NRXN1: variants seen among roughly 807,000 people sequenced by gnomAD.
NRXN1 encodes neurexin-1.
A neutral mutation model predicts 150.9 loss-of-function variants in NRXN1; 39 were observed. The observed-to-expected ratio is 0.26, with a 90% confidence interval of 0.20 to 0.34. NRXN1 has a LOEUF of 0.34. Among genes scored for constraint, NRXN1 ranks in the 10% least tolerant of loss-of-function variants. The probability of loss-of-function intolerance (pLI) is 1.00; values close to 1 mark genes in which losing one functional copy is unlikely to be tolerated. For missense variants in NRXN1, 1,815 were observed against 1,949.9 expected (o/e 0.93, Z 1.30); for synonymous variants, 924 against 757.0 (o/e 1.22, Z -3.62).
In NRXN1 at chr2:49,997,219, T is replaced by G. The variant is rs1488757303; in HGVS notation, c.4129-53428A>C. 2.6e-5 allele frequency among the ~76,000 whole-genome samples: 4 copies of G among 152,136 alleles called. No homozygotes were observed. In the East Asian group the frequency reaches 7.7e-4, roughly 29 times the overall value. On this transcript the variant is annotated intron_variant, in intron 21 of 22. Transcript: ENST00000401669. ...CTTGAAGATAAGAGCGCATATCTCT[T>G]GGAAGCAATTACAAAAATTTATTAT...
intron 18 of NRXN1, among the ~76,000 whole-genome samples, chr2:50,233,479 G>A (rs1211973205): frequency 1.3e-5 from 2 of 152,040 alleles, no homozygotes; most frequent in South Asian, 4.2e-4. Flanking sequence ...AAAATTATAT[G>A]CCAATCAGAT....
intron 5 of NRXN1, among the ~76,000 whole-genome samples, chr2:50,834,164 A>C (rs1671782119): frequency 6.6e-6 from 1 of 152,184 alleles, no homozygotes; most frequent in Admixed American, 6.5e-5. Context: ...TAAAAAACTG[A>C]GAAGTAGTCA....
chr2:50,678,687 C>G (rs908657193), intron 5 of NRXN1, among the ~76,000 whole-genome samples: 10 of 152,106 alleles, frequency 6.6e-5, no homozygotes, highest in African/African-American at 2.4e-4. Context: ...ATATTTTTGA[C>G]TGTTCGTTGC....
At chr2:50,506,454 A>C in intron 13 of NRXN1, 41 bp downstream of exon 13, 10 of 1,565,004 alleles carry the variant, frequency 6.4e-6, no homozygotes, top group Non-Finnish European at 8.7e-6. Flanking sequence ...GAGAGTCAAA[A>C]GCGTTAGCAT....
chr2:50,013,456 A>T (rs1194376281), intron 21 of NRXN1, among the ~76,000 whole-genome samples: 2 of 152,046 alleles, frequency 1.3e-5, no homozygotes, highest in Non-Finnish European at 2.9e-5. Context: ...GAGTAAAAGA[A>T]TTGTGTTTTA....
chr2:50,059,332 T>C (rs1039452424), intron 19 of NRXN1, among the ~76,000 whole-genome samples: 5 of 152,208 alleles, frequency 3.3e-5, no homozygotes, highest in African/African-American at 7.2e-5. Context: ...GAAAGAAACT[T>C]CTAAGCAGCA....
intron 18 of NRXN1, among the ~76,000 whole-genome samples, chr2:50,217,832 T>A (rs971927329): frequency 6.6e-6 from 1 of 152,136 alleles, no homozygotes; most frequent in African/African-American, 2.4e-5. Context: ...TCTCTTTTCA[T>A]CTAACTTATT....
chr2:50,521,607 A>G (rs1476747653), intron 12 of NRXN1, among the ~76,000 whole-genome samples: 1 of 152,216 alleles, frequency 6.6e-6, no homozygotes, highest in East Asian at 1.9e-4. Flanking sequence ...GACCGTCCCC[A>G]TGATTTAAAG....
In NRXN1 at chr2:50,280,891, A is replaced by G. The variant is rs116381248; in HGVS notation, c.3365-43921T>C. Among the ~76,000 whole-genome samples, 1,384 of 152,218 alleles carry G rather than the reference A, an allele frequency of 9.1e-3. 22 individuals are homozygous for G. Among genetic ancestry groups the G allele is most frequent in the African/African-American group, 0.032 (1,317 of 41,534 alleles). The stretch of plus-strand genomic sequence containing the variant: ...TTTTGTTTGTTTGTTTCTGTTTTAA[A>G]GTACTGGAGATTTGTAATTTATTTT... On this transcript the variant is annotated intron_variant, in intron 17 of 22. Transcript: ENST00000401669.
intron 18 of NRXN1, among the ~76,000 whole-genome samples, chr2:50,111,649 A>G (rs1414994591): frequency 2.6e-5 from 4 of 151,172 alleles, no homozygotes; most frequent in African/African-American, 9.7e-5. Flanking sequence ...AAAAAAAAGA[A>G]AAAAAAAAGT....
intron 8 of NRXN1, among the ~76,000 whole-genome samples, chr2:50,590,214 T>C (rs560278466): frequency 9.2e-5 from 14 of 152,248 alleles, no homozygotes; most frequent in South Asian, 4.1e-4. Flanking sequence ...TCAAATAAGT[T>C]CCAAGTCAGA....
intron 8 of NRXN1, among the ~76,000 whole-genome samples, chr2:50,558,788 AG>A (rs1668613453): frequency 6.6e-6 from 1 of 152,170 alleles, no homozygotes; most frequent in Non-Finnish European, 1.5e-5. Flanking sequence ...GGCCGAGCGC[AG>A]TGGCTCAGGC....
rs540811732 is a variant in NRXN1 at position 50,601,283 on chromosome 2, T to C, written c.1320+18739A>G. 3.9e-5 allele frequency among the ~76,000 whole-genome samples: 6 copies of C among 152,278 alleles called. 1 individual carries two copies. Among genetic ancestry groups the C allele is most frequent in the African/African-American group, 7.2e-5 (3 of 41,556 alleles). Reference sequence around the variant, plus strand: ...AAATCAGTGTGTTGTGAAGATCCCATGTGTTTCAGCATTCATCAGACTGAA... The same window carrying C: ...AAATCAGTGTGTTGTGAAGATCCCACGTGTTTCAGCATTCATCAGACTGAA... On this transcript the variant is annotated intron_variant, in intron 8 of 22. Coordinates refer to ENST00000401669, the MANE Select transcript of NRXN1 (RefSeq NM_001330078.2).
intron 18 of NRXN1, among the ~76,000 whole-genome samples, chr2:50,094,100 A>C (rs1275411335): frequency 6.6e-6 from 1 of 152,234 alleles, no homozygotes; most frequent in African/African-American, 2.4e-5. Context: ...TTTGGAATAA[A>C]TTGTAAGCAA....
chr2:50,508,578 G>C (rs1013302183), intron 12 of NRXN1, among the ~76,000 whole-genome samples: 1 of 148,770 alleles, frequency 6.7e-6, no homozygotes, highest in African/African-American at 2.5e-5. Context: ...TTTTTTTTTT[G>C]TTAGAAATAT....
At chr2:50,555,311 T>C (rs749874988) in intron 8 of NRXN1, among the ~76,000 whole-genome samples, 9 of 152,172 alleles carry the variant, frequency 5.9e-5, no homozygotes, top group Non-Finnish European at 1.2e-4. Context: ...CCCTGGTATA[T>C]TGTCTCTTGA....
At chr2:50,716,919 A>G (rs1365693767) in intron 5 of NRXN1, among the ~76,000 whole-genome samples, 2 of 152,072 alleles carry the variant, frequency 1.3e-5, no homozygotes, top group African/African-American at 4.8e-5. Flanking sequence ...TCTTTCTGCC[A>G]TTTGTTCATT....
intron 17 of NRXN1, among the ~76,000 whole-genome samples, chr2:50,306,994 T>C (rs933788631): frequency 6.6e-6 from 1 of 151,256 alleles, no homozygotes; most frequent in Non-Finnish European, 1.5e-5. Context: ...TTTTGTTTTG[T>C]TTTTTTCTGA....
At chr2:50,203,056 T>C (rs1299398840) in intron 18 of NRXN1, among the ~76,000 whole-genome samples, 1 of 151,882 alleles carries the variant, frequency 6.6e-6, no homozygotes, top group African/African-American at 2.4e-5. Flanking sequence ...TCTGAGAGGG[T>C]ATAATGAATG....
Sources: allele counts gnomAD v4.1 joint callset (sites outside exome capture counted in the v4.1 genomes callset), GRCh38; gene constraint gnomAD v4.1.1; transcripts MANE v1.5; gene names NCBI Gene and HGNC (gene_info 2026-07-23, HGNC 2026-07-21).